TRRAP: variants seen among roughly 807,000 people sequenced by gnomAD.
The protein encoded by TRRAP is transformation/transcription domain-associated protein.
A neutral mutation model predicts 438.8 loss-of-function variants in TRRAP; 41 were observed. The ratio of observed to expected loss-of-function variants is 0.09; its 90% confidence interval spans 0.07 to 0.12. The LOEUF is 0.12. Among genes scored for constraint, TRRAP ranks in the 10% least tolerant of loss-of-function variants. TRRAP has a pLI of 1.00. For missense variants in TRRAP, 3,122 were observed against 5,055.1 expected (o/e 0.62, Z 11.60); for synonymous variants, 1,994 against 1,962.9 (o/e 1.02, Z -0.42).
chr7:98,943,183 CT>C (rs1185649547), intron 31 of TRRAP, among the ~76,000 whole-genome samples, 166 bp downstream of exon 31: 34 of 152,226 alleles, frequency 2.2e-4, no homozygotes, highest in Non-Finnish European at 4.6e-4. Flanking sequence ...TTTTGCCTAT[CT>C]TTTCTCTTAA....
rs183176768 is a variant in TRRAP at position 98,904,157 on chromosome 7, G to A, written c.1036+640G>A. Among the ~76,000 whole-genome samples, 301 of 152,110 alleles carry A rather than the reference G, an allele frequency of 2.0e-3. 2 individuals are homozygous for A. The highest frequency in any genetic ancestry group is 6.1e-3 in the African/African-American group (254 of 41,494). On this transcript the variant is annotated intron_variant, in intron 12 of 72. Transcript: ENST00000456197. ...AGTAAGAATTTTGGAGGTGTGTTGG[G>A]GACCTTTGTAGCACAAGGATTCTTG... is the stretch of plus-strand genomic sequence containing the variant.
At chr7:98,993,339 C>CT (rs1793511271) in intron 65 of TRRAP, among the ~76,000 whole-genome samples, 199 bp from the exon 66 acceptor site, 2 of 152,260 alleles carry the variant, frequency 1.3e-5, no homozygotes. Context: ...GACAACTGCG[C>CT]TGTCCCTCCC....
intron 70 of TRRAP, among the ~76,000 whole-genome samples, chr7:99,009,381 G>T (rs910619508): frequency 6.6e-6 from 1 of 152,180 alleles, no homozygotes; most frequent in Non-Finnish European, 1.5e-5. Context: ...GACTTAGTTT[G>T]GTTGAGGAAG....
At chr7:98,954,165 T>C (rs1419863331) in intron 40 of TRRAP, among the ~76,000 whole-genome samples, 1 of 152,036 alleles carries the variant, frequency 6.6e-6, no homozygotes. Flanking sequence ...GCTCTGAGGT[T>C]GGGCACCCCG....
intron 65 of TRRAP, 63 bp from the exon 66 acceptor site, chr7:98,993,475 C>A: frequency 1.3e-6 from 2 of 1,558,614 alleles, no homozygotes; most frequent in Non-Finnish European, 1.7e-6. Context: ...GGTCCTGCAG[C>A]GCTCCGAGCC....
rs148592281 is a variant in TRRAP, at chr7:98,997,080, C to T, written c.10309+2232C>T. Among the ~76,000 whole-genome samples the T allele has an allele frequency of 6.2e-3, 940 of 151,856 alleles. 10 individuals are homozygous for T. Among genetic ancestry groups the T allele is most frequent in the African/African-American group, 0.021 (871 of 41,398 alleles). On this transcript the variant is annotated intron_variant, in intron 67 of 72. Transcript: ENST00000456197. ...CAGCACTTTCAGAGGCCGAGGTGGGCGGGTCACTTGAGGTCAGGAGTTCGA... is the reference window on the plus strand; with the variant it reads ...CAGCACTTTCAGAGGCCGAGGTGGGTGGGTCACTTGAGGTCAGGAGTTCGA...
chr7:98,887,824 C>A (rs1180743754), intron 3 of TRRAP, among the ~76,000 whole-genome samples: 1 of 151,638 alleles, frequency 6.6e-6, no homozygotes, highest in Non-Finnish European at 1.5e-5. Flanking sequence ...CCTTTATAGA[C>A]CCCTCTTCTG....
At chr7:98,930,486 G>A (rs1417850931) in intron 24 of TRRAP, 147 bp from the exon 25 acceptor site, 3 of 1,115,162 alleles carry the variant, frequency 2.7e-6, no homozygotes, top group African/African-American at 1.6e-5. Context: ...GCTAAGGCAG[G>A]AGAATCACTT....
At chr7:99,008,669 GC>G (rs781613856) in intron 70 of TRRAP, 108 bp downstream of exon 70, 7 of 1,209,970 alleles carry the variant, frequency 5.8e-6, no homozygotes, top group Non-Finnish European at 8.0e-6. Context: ...TTTGTTGGGG[GC>G]CACCTCTGTC....
At chr7:98,950,517 G>A (rs1245647870) in intron 38 of TRRAP, among the ~76,000 whole-genome samples, 1 of 152,176 alleles carries the variant, frequency 6.6e-6, no homozygotes, top group African/African-American at 2.4e-5. Context: ...ATGAGACTCT[G>A]TCTCAAGAAA....
chr7:98,942,931 G>A lies in TRRAP; in HGVS notation c.4405-18G>A. 2 of 1,614,130 alleles carry A rather than the reference G, an allele frequency of 1.2e-6. No individual in the cohort carries two copies. Among genetic ancestry groups the A allele is most frequent in the Non-Finnish European group, 1.7e-6 (2 of 1,179,994 alleles). ...CACCTACTGTGAAGTTGTGTCTCAG[G>A]ATGTGTTTTTCCAACAGCAACATCT... On this transcript the variant is annotated intron_variant, in intron 30 of 72. Transcript: ENST00000456197.
Position 98,948,230 on chromosome 7 carries a change from A to G in TRRAP, c.4558A>G (p.Ile1520Val), listed in dbSNP as rs372346936. ...PAMEGVEEMKICSAIINLFHL... is the reference protein window; with the variant it reads ...PAMEGVEEMKVCSAIINLFHL... ...TGGTTTTCTTGATCAGGAAATGAAGATTTGCTCAGCAATTATAAACCTTTT... is the reference window on the plus strand; with the variant it reads ...TGGTTTTCTTGATCAGGAAATGAAGGTTTGCTCAGCAATTATAAACCTTTT... The change falls in exon 34 of 73, where the codon ATT becomes GTT. Residue 1520 changes from isoleucine to valine, a missense_variant. Coordinates refer to ENST00000456197, the MANE Select transcript of TRRAP (RefSeq NM_001375524.1). The surrounding 1 kb of genome is among the most constrained non-coding windows in gnomAD (Gnocchi z 4.9). 1.4e-5 allele frequency: 23 copies of G among 1,614,050 alleles called. No homozygotes were observed. The highest frequency in any genetic ancestry group is 1.4e-5 in the Non-Finnish European group (17 of 1,180,048).
At chr7:98,896,100 C>G (rs1279175999) in intron 7 of TRRAP, among the ~76,000 whole-genome samples, 2 of 152,152 alleles carry the variant, frequency 1.3e-5, no homozygotes, top group South Asian at 4.1e-4. Context: ...AATTCATTTA[C>G]TGGTAAGCAA....
chr7:98,954,489 T>C (rs888906016), intron 40 of TRRAP, among the ~76,000 whole-genome samples: 3 of 152,208 alleles, frequency 2.0e-5, no homozygotes, highest in Admixed American at 6.5e-5. Flanking sequence ...CATGGGTCGT[T>C]GAGCTAGAAC....
intron 49 of TRRAP, 56 bp downstream of exon 49, chr7:98,965,951 C>T: frequency 6.3e-7 from 1 of 1,587,578 alleles, no homozygotes; most frequent in African/African-American, 1.3e-5. Flanking sequence ...AAATTCAAGC[C>T]TCAACATCTT....
chr7:98,923,647 C>T (rs1347111078), intron 21 of TRRAP, among the ~76,000 whole-genome samples: 1 of 152,210 alleles, frequency 6.6e-6, no homozygotes, highest in African/African-American at 2.4e-5. Context: ...CCGCAATACC[C>T]TCGAAGAGCA....
At chr7:99,000,522 A>G (rs2116840738) in intron 67 of TRRAP, among the ~76,000 whole-genome samples, 1 of 152,328 alleles carries the variant, frequency 6.6e-6, no homozygotes, top group East Asian at 1.9e-4. Context: ...ACTCTTTTTC[A>G]TTCTTCCAGG....
At chr7:98,932,092 A>AT (rs1319040719) in intron 26 of TRRAP, among the ~76,000 whole-genome samples, 59 of 147,808 alleles carry the variant, frequency 4.0e-4, no homozygotes, top group African/African-American at 9.9e-4. Context: ...TTTATTTTTT[A>AT]TTTTTTTTTA....
chr7:98,974,636 A>C (rs969293025), intron 53 of TRRAP, among the ~76,000 whole-genome samples: 2 of 152,242 alleles, frequency 1.3e-5, no homozygotes, highest in African/African-American at 4.8e-5. Context: ...CCGGATGTTG[A>C]AATCCCTAAA....
Sources: allele counts gnomAD v4.1 joint callset (sites outside exome capture counted in the v4.1 genomes callset), GRCh38; gene constraint gnomAD v4.1.1; non-coding constraint Gnocchi (gnomAD v3.1); transcripts MANE v1.5; gene names NCBI Gene and HGNC (gene_info 2026-07-23, HGNC 2026-07-21).